PPARGC1A: variants seen among roughly 807,000 people sequenced by gnomAD.
PPARGC1A encodes the protein PPARG coactivator 1 alpha.
PPARGC1A carries 25 observed loss-of-function variants against 88.7 expected under a neutral mutation model. The ratio of observed to expected loss-of-function variants is 0.28; its 90% CI spans 0.21 to 0.39. The LOEUF is 0.39. Among genes scored for constraint, PPARGC1A ranks in the 10% least tolerant of loss-of-function variants. PPARGC1A has a pLI of 1.00. For missense variants in PPARGC1A, 880 were observed against 968.7 expected, an observed-to-expected ratio of 0.91 and a Z score of 1.22; for synonymous variants, 363 against 355.6, an observed-to-expected ratio of 1.02 and a Z score of -0.24.
chr4:23,959,017 CAAA>C, the PPARGC1A span, among the ~76,000 whole-genome samples: 151 of 138,782 alleles, frequency 1.1e-3, no homozygotes, highest in East Asian at 4.9e-3. Flanking sequence ...TTTACCAAAC[CAAA>C]AAAAAAAAAA....
upstream of PPARGC1A, among the ~76,000 whole-genome samples, chr4:23,902,072 CA>C (rs535756133): frequency 3.1e-3 from 469 of 151,660 alleles, 4 homozygotes; most frequent in Non-Finnish European, 3.8e-3. Context: ...AATCTGAATA[CA>C]AAAAATAGAA....
the PPARGC1A span, among the ~76,000 whole-genome samples, chr4:24,239,393 T>C: frequency 1.3e-5 from 2 of 152,224 alleles, no homozygotes; most frequent in African/African-American, 4.8e-5. Flanking sequence ...TTCCCAAGCA[T>C]GCTTTAAGGA....
the PPARGC1A span, among the ~76,000 whole-genome samples, chr4:24,155,775 C>T: frequency 5.3e-5 from 8 of 152,062 alleles, no homozygotes; most frequent in Non-Finnish European, 8.8e-5. Context: ...TGAGCAGGTT[C>T]CCTGGATATG....
intron 2 of PPARGC1A, among the ~76,000 whole-genome samples, chr4:23,882,425 G>A (rs976735266): frequency 6.6e-6 from 1 of 151,946 alleles, no homozygotes; most frequent in South Asian, 2.1e-4. Context: ...TTTTTTCATT[G>A]GAGGCTGAAT....
chr4:24,256,024 C>A, the PPARGC1A span, among the ~76,000 whole-genome samples: 1 of 152,210 alleles, frequency 6.6e-6, no homozygotes, highest in East Asian at 1.9e-4. Context: ...CCCTCAATTA[C>A]CTCATTGGGA....
the PPARGC1A span, among the ~76,000 whole-genome samples, chr4:24,009,825 C>G: frequency 5.5e-4 from 84 of 152,312 alleles, no homozygotes; most frequent in Non-Finnish European, 1.0e-3. Context: ...TTGGGAGTAG[C>G]TGTGAAGTAA....
rs954037803 is a variant in PPARGC1A, at chr4:23,792,955, A to C, written c.*2867T>G. The C allele has an allele frequency of 2.0e-5, 3 of 152,310 alleles. No individual in the cohort carries two copies. The highest frequency in any genetic ancestry group is 7.2e-5 in the African/African-American group (3 of 41,410). The allele number at this position is 152,310 out of a possible 1,614,324, so 9.4% of individuals were successfully genotyped here. On this transcript the variant is annotated 3_prime_UTR_variant, in exon 13 of 13. Transcript: ENST00000264867. ...TGTCAGGCTGGGGGTAGGGGGGATA[A>C]ATTAATCCTCAATATGATATCTGTA...
At chr4:24,003,155 G>T in the PPARGC1A span, among the ~76,000 whole-genome samples, 2 of 152,084 alleles carry the variant, frequency 1.3e-5, no homozygotes, top group African/African-American at 4.8e-5. Context: ...AACCAGGGAG[G>T]TGGATGTGTT....
the PPARGC1A span, among the ~76,000 whole-genome samples, chr4:24,392,302 G>T: frequency 1.3e-5 from 2 of 152,168 alleles, no homozygotes; most frequent in Non-Finnish European, 2.9e-5. Context: ...AGTCTTGATT[G>T]TACTGGAGCA....
chr4:24,273,380 C>G, the PPARGC1A span, among the ~76,000 whole-genome samples: 3 of 152,156 alleles, frequency 2.0e-5, no homozygotes, highest in Non-Finnish European at 4.4e-5. Flanking sequence ...CTTGTGAACC[C>G]TTAATGAAAT....
chr4:23,796,964 T>C (rs1717726755), intron 12 of PPARGC1A, among the ~76,000 whole-genome samples: 1 of 151,894 alleles, frequency 6.6e-6, no homozygotes, highest in African/African-American at 2.4e-5. Flanking sequence ...ATCGTTGACC[T>C]AAAATGTTGT....
At chr4:24,323,855 T>G in the PPARGC1A span, among the ~76,000 whole-genome samples, 1 of 152,188 alleles carries the variant, frequency 6.6e-6, no homozygotes, top group East Asian at 1.9e-4. Flanking sequence ...CTCACCAATT[T>G]CAAATCCGGT....
chr4:24,051,389 T>C, the PPARGC1A span, among the ~76,000 whole-genome samples: 1 of 152,198 alleles, frequency 6.6e-6, no homozygotes, highest in Non-Finnish European at 1.5e-5. Flanking sequence ...TCATAAGTGA[T>C]ATCAATAATG....
intron 2 of PPARGC1A, among the ~76,000 whole-genome samples, chr4:23,844,537 TAATATATTA>T (rs1387616179): frequency 3.0e-5 from 3 of 100,198 alleles, no homozygotes; most frequent in African/African-American, 1.3e-4. Context: ...TATAATCATA[TAATATATTA>T]TATATTATCA....
At chr4:24,093,838 C>T in the PPARGC1A span, among the ~76,000 whole-genome samples, 2 of 152,208 alleles carry the variant, frequency 1.3e-5, no homozygotes, top group Non-Finnish European at 2.9e-5. Flanking sequence ...GCAGGTTACT[C>T]ATCTTCTCTG....
At chr4:24,217,678 C>T in the PPARGC1A span, among the ~76,000 whole-genome samples, 1 of 152,166 alleles carries the variant, frequency 6.6e-6, no homozygotes, top group Non-Finnish European at 1.5e-5. Flanking sequence ...TGGTGCACAC[C>T]TGTAGTCCCA....
At chr4:24,463,028 AT>A in the PPARGC1A span, among the ~76,000 whole-genome samples, 3 of 151,656 alleles carry the variant, frequency 2.0e-5, no homozygotes, top group African/African-American at 7.3e-5. Context: ...ACTTCTAGAG[AT>A]TTTTTTCCAT....
At chr4:23,968,634 G>A in the PPARGC1A span, among the ~76,000 whole-genome samples, 1 of 152,046 alleles carries the variant, frequency 6.6e-6, no homozygotes, top group Non-Finnish European at 1.5e-5. Flanking sequence ...AGAACTATTG[G>A]CCAGGTGCTG....
At chr4:24,173,007 T>C in the PPARGC1A span, among the ~76,000 whole-genome samples, 1 of 152,230 alleles carries the variant, frequency 6.6e-6, no homozygotes. Context: ...TCGAACATTG[T>C]ATTTTAGTAC....
Sources: gnomAD v4.1 joint callset for allele counts (sites outside exome capture counted in the v4.1 genomes callset) on GRCh38, gnomAD v4.1.1 for gene constraint, MANE v1.5 for transcripts, NCBI Gene and HGNC (gene_info 2026-07-23, HGNC 2026-07-21) for gene names.